Variants in IGF2BP3 observed in about 807,000 individuals in gnomAD.
The protein encoded by IGF2BP3 is insulin-like growth factor 2 mRNA-binding protein 3.
IGF2BP3 carries 9 observed loss-of-function variants against 73.8 expected under a neutral mutation model. That is an observed-to-expected ratio of 0.12 (90% CI 0.07 to 0.21). The LOEUF is 0.21. Ranked by LOEUF, IGF2BP3 falls within the 10% of genes least tolerant of loss-of-function variation. The pLI is 1.00. For synonymous variants in IGF2BP3, 258 were observed against 256.7 expected (o/e 1.01, Z -0.05); for missense variants, 542 against 714.0 (o/e 0.76, Z 2.75).
At chr7:23,466,211 T>TG (rs1788563951) in intron 2 of IGF2BP3, among the ~76,000 whole-genome samples, 1 of 151,980 alleles carries the variant, frequency 6.6e-6, no homozygotes, top group Non-Finnish European at 1.5e-5. Context: ...TTAGTAGAGA[T>TG]GGGGTTTCAC....
chr7:23,362,218 C>T (rs113161377), intron 3 of IGF2BP3, among the ~76,000 whole-genome samples: 19 of 151,174 alleles, frequency 1.3e-4, no homozygotes, highest in African/African-American at 4.7e-4. Context: ...TCGAGACCAG[C>T]CTGGTCAACA....
chr7:23,409,154 C>T (rs1165273231), intron 3 of IGF2BP3, among the ~76,000 whole-genome samples: 2 of 152,140 alleles, frequency 1.3e-5, no homozygotes, highest in African/African-American at 4.8e-5. Flanking sequence ...CAGTAATGCT[C>T]GCTCACTTGC....
intron 2 of IGF2BP3, among the ~76,000 whole-genome samples, chr7:23,442,595 G>A (rs754419132): frequency 6.6e-6 from 1 of 151,768 alleles, no homozygotes; most frequent in Non-Finnish European, 1.5e-5. Context: ...ACAGGGTTTC[G>A]CCATGTTGGT....
chr7:23,328,621 T>A (rs890563058), intron 10 of IGF2BP3, among the ~76,000 whole-genome samples: 3 of 152,192 alleles, frequency 2.0e-5, no homozygotes, highest in African/African-American at 7.2e-5. Context: ...AAAGGATAAC[T>A]GGACAAGAGA....
intron 3 of IGF2BP3, among the ~76,000 whole-genome samples, chr7:23,384,430 T>C (rs1044870942): frequency 4.6e-5 from 7 of 152,198 alleles, no homozygotes; most frequent in Non-Finnish European, 1.0e-4. Context: ...ACACTTTAAA[T>C]GGGTGAATTG....
intron 3 of IGF2BP3, among the ~76,000 whole-genome samples, chr7:23,377,642 A>G (rs1020978195): frequency 6.6e-6 from 1 of 152,222 alleles, no homozygotes; most frequent in Admixed American, 6.5e-5. Context: ...CTGAAAATCT[A>G]TGTTTACACA....
Position 23,346,007 on chromosome 7 carries a change from T to C in IGF2BP3, c.874A>G (p.Ile292Val). 6.2e-7 allele frequency: 1 copy of C among 1,613,782 alleles called. No homozygotes were observed. The highest frequency in any genetic ancestry group is 8.5e-7 in the Non-Finnish European group (1 of 1,179,944). ...LAHNNFVGRLIGKEGRNLKKI... is the reference protein window; with the variant it reads ...LAHNNFVGRLVGKEGRNLKKI... ...TTAAGATTTCTTCCTTCTTTACCAATAAGACGTCCAACAAAGTTATTATGA... is the reference window on the plus strand; with the variant it reads ...TTAAGATTTCTTCCTTCTTTACCAACAAGACGTCCAACAAAGTTATTATGA... Residue 292 changes from isoleucine to valine, a missense_variant, in exon 8 of 15, where the codon ATT becomes GTT. Around this residue, in one of 2 missense-constraint regions of IGF2BP3, gnomAD observed 303 missense variants for 472.1 expected, o/e 0.64. Coordinates refer to ENST00000258729, the MANE Select transcript of IGF2BP3 (RefSeq NM_006547.3).
chr7:23,322,840 G>A (rs946107512), intron 10 of IGF2BP3, among the ~76,000 whole-genome samples: 1 of 152,032 alleles, frequency 6.6e-6, no homozygotes, highest in Non-Finnish European at 1.5e-5. Context: ...AAGTAAAGGA[G>A]AAATAAAATC....
chr7:23,411,027 CCTGCTCAAAGTCAGGCCA>C (rs745777359), intron 3 of IGF2BP3, among the ~76,000 whole-genome samples: 1 of 152,194 alleles, frequency 6.6e-6, no homozygotes, highest in Non-Finnish European at 1.5e-5. Flanking sequence ...GGCCGAGTGG[CCTGCTCAAAGTCAGGCCA>C]CTGAGAAGAA....
chr7:23,344,574 T>A (rs1303844400), intron 8 of IGF2BP3, among the ~76,000 whole-genome samples: 1 of 152,170 alleles, frequency 6.6e-6, no homozygotes, highest in African/African-American at 2.4e-5. Context: ...ATATCATACC[T>A]GAAAACACCT....
At chr7:23,397,901 G>C (rs1786528043) in intron 3 of IGF2BP3, among the ~76,000 whole-genome samples, 1 of 152,120 alleles carries the variant, frequency 6.6e-6, no homozygotes, top group East Asian at 1.9e-4. Flanking sequence ...ATATTATATG[G>C]GATTACCCGG....
At chr7:23,427,021 CCTT>C (rs1368522299) in intron 2 of IGF2BP3, among the ~76,000 whole-genome samples, 2 of 152,160 alleles carry the variant, frequency 1.3e-5, no homozygotes, top group African/African-American at 4.8e-5. Context: ...GTTTTGTGCT[CCTT>C]ATCACATCAC....
chr7:23,382,322 G>T (rs1256422957), intron 3 of IGF2BP3, among the ~76,000 whole-genome samples: 1 of 151,772 alleles, frequency 6.6e-6, no homozygotes, highest in East Asian at 1.9e-4. Flanking sequence ...AAACAGGTTG[G>T]CAGGATAGCA....
At chr7:23,320,963 AAAAAAAGAAAAAAC>A (rs1784126199) in intron 10 of IGF2BP3, among the ~76,000 whole-genome samples, 2 of 101,702 alleles carry the variant, frequency 2.0e-5, no homozygotes, top group African/African-American at 3.0e-5. Context: ...AAAAAAAAAA[AAAAAAAGAAAAAAC>A]AAAAAAGAAA....
At chr7:23,367,983 G>T (rs919054464) in intron 3 of IGF2BP3, among the ~76,000 whole-genome samples, 8 of 151,668 alleles carry the variant, frequency 5.3e-5, no homozygotes, top group African/African-American at 1.9e-4. Context: ...CTGGGCAACA[G>T]ATAGAGACTC....
intron 2 of IGF2BP3, among the ~76,000 whole-genome samples, chr7:23,452,697 G>T (rs1419884590): frequency 1.3e-5 from 2 of 151,440 alleles, no homozygotes; most frequent in African/African-American, 4.9e-5. Flanking sequence ...AGCTACTCGG[G>T]AGGCTAAGGC....
intron 2 of IGF2BP3, among the ~76,000 whole-genome samples, chr7:23,431,943 G>C (rs1200217079): frequency 6.6e-6 from 1 of 152,066 alleles, no homozygotes; most frequent in Non-Finnish European, 1.5e-5. Flanking sequence ...ACATTCCACT[G>C]GTTAACAGAT....
At chr7:23,377,215 T>G (rs1024971075) in intron 3 of IGF2BP3, among the ~76,000 whole-genome samples, 1 of 152,156 alleles carries the variant, frequency 6.6e-6, no homozygotes, top group African/African-American at 2.4e-5. Flanking sequence ...AGAAAATATT[T>G]GCAAATCATA....
intron 2 of IGF2BP3, among the ~76,000 whole-genome samples, chr7:23,430,182 C>T (rs540060071): frequency 6.6e-6 from 1 of 151,460 alleles, no homozygotes; most frequent in South Asian, 2.1e-4. Context: ...CTCCCGGGTT[C>T]AAGCGATTCT....
Sources: allele counts gnomAD v4.1 joint callset (sites outside exome capture counted in the v4.1 genomes callset), GRCh38; gene constraint gnomAD v4.1.1; regional missense constraint gnomAD v4.1.1; transcripts MANE v1.5; gene names NCBI Gene and HGNC (gene_info 2026-07-23, HGNC 2026-07-21).